ARID5B: variants seen among roughly 807,000 people sequenced by gnomAD.
The protein encoded by ARID5B is AT-rich interactive domain-containing protein 5B.
ARID5B carries 13 observed loss-of-function variants against 97.2 expected under a neutral mutation model. That is an observed-to-expected ratio of 0.13 (90% CI 0.09 to 0.21). The LOEUF (loss-of-function observed/expected upper bound fraction) is 0.21, where lower values mean the gene tolerates loss of function less well. Ranked by LOEUF, ARID5B falls within the 10% of genes least tolerant of loss-of-function variation. The pLI is 1.00. For missense variants in ARID5B, 1,210 were observed against 1,465.3 expected, an observed-to-expected ratio of 0.83 and a Z score of 2.84; for synonymous variants, 556 against 570.3, an observed-to-expected ratio of 0.97 and a Z score of 0.36.
At chr10:61,924,087 T>C (rs1193889572) in intron 2 of ARID5B, among the ~76,000 whole-genome samples, 1 of 152,206 alleles carries the variant, frequency 6.6e-6, no homozygotes, top group Non-Finnish European at 1.5e-5. Context: ...TTCTTTAAGC[T>C]CCACCTGCAA....
In ARID5B at chr10:62,005,101, T is replaced by C. The variant is rs536262224; in HGVS notation, c.733+4780T>C. On this transcript the variant is annotated intron_variant, in intron 4 of 9. Transcript: ENST00000279873. ...GGCCTGTCATCAGCTGTTTGGTCCA[T>C]GTGTAGACACCATGAGCTCTGATCT... 3.4e-3 allele frequency among the ~76,000 whole-genome samples: 524 copies of C among 152,336 alleles called. 1 individual carries two copies. Among genetic ancestry groups the C allele is most frequent in the South Asian group, 0.011 (54 of 4,826 alleles).
At chr10:62,088,676 T>C (rs1172407238) in intron 9 of ARID5B, among the ~76,000 whole-genome samples, 1 of 152,252 alleles carries the variant, frequency 6.6e-6, no homozygotes, top group African/African-American at 2.4e-5. Context: ...TACGAATCAC[T>C]TCTCACCTCC....
At chr10:62,040,713 G>A (rs141541906) in intron 4 of ARID5B, among the ~76,000 whole-genome samples, 1 of 152,134 alleles carries the variant, frequency 6.6e-6, no homozygotes, top group Non-Finnish European at 1.5e-5. Flanking sequence ...ATTTCAATAT[G>A]CAATCAATAT....
chr10:62,061,208 T>A (rs1839917114), intron 7 of ARID5B, among the ~76,000 whole-genome samples: 1 of 152,102 alleles, frequency 6.6e-6, no homozygotes, highest in African/African-American at 2.4e-5. Flanking sequence ...TGGAAAAAGG[T>A]CAGTGCCCTA....
intron 3 of ARID5B, among the ~76,000 whole-genome samples, chr10:61,973,450 A>C (rs965271695): frequency 1.3e-5 from 2 of 152,222 alleles, no homozygotes; most frequent in African/African-American, 4.8e-5. Flanking sequence ...GGAAACATTC[A>C]TTCCACTATT....
intron 4 of ARID5B, among the ~76,000 whole-genome samples, chr10:62,015,516 T>C (rs1225650092): frequency 1.3e-5 from 2 of 152,234 alleles, no homozygotes; most frequent in Non-Finnish European, 2.9e-5. Context: ...ATGGGACTTT[T>C]GTCAAATATA....
At chr10:62,041,956 GCAGATT>G (rs1362485974) in intron 4 of ARID5B, among the ~76,000 whole-genome samples, 2 of 152,308 alleles carry the variant, frequency 1.3e-5, no homozygotes, top group African/African-American at 4.8e-5. Context: ...ACTAGAACGA[GCAGATT>G]TATTGATTGT....
intron 3 of ARID5B, among the ~76,000 whole-genome samples, chr10:61,991,134 T>C (rs890033100): frequency 1.3e-5 from 2 of 152,146 alleles, no homozygotes; most frequent in African/African-American, 4.8e-5. Flanking sequence ...CTTTTGGCTA[T>C]TTTGTGATAA....
At chr10:61,946,987 C>T (rs897165055) in intron 3 of ARID5B, among the ~76,000 whole-genome samples, 4 of 152,116 alleles carry the variant, frequency 2.6e-5, no homozygotes, top group South Asian at 2.1e-4. Context: ...TAATTACATA[C>T]GAGACTTATC....
rs7922984 is a variant in ARID5B, at chr10:62,028,302, G to T, written c.734-22586G>T. Among the ~76,000 whole-genome samples, 954 of 152,286 alleles carry T rather than the reference G, an allele frequency of 6.3e-3. 6 individuals are homozygous for T. Among genetic ancestry groups the T allele is most frequent in the African/African-American group, 0.021 (875 of 41,556 alleles). On this transcript the variant is annotated intron_variant, in intron 4 of 9. Coordinates refer to ENST00000279873, the MANE Select transcript of ARID5B (RefSeq NM_032199.3). ...TGCTTTCTTAGTTTGAAGCAGTTAC[G>T]CAAGTACAAAAATACTAGTTTGTAG...
chr10:62,009,535 G>C (rs558516764), intron 4 of ARID5B, among the ~76,000 whole-genome samples: 6 of 151,222 alleles, frequency 4.0e-5, no homozygotes, highest in Non-Finnish European at 8.9e-5. Context: ...AGGTTAAACA[G>C]CTTCTGAAGG....
chr10:61,907,362 A>G (rs1843724341), intron 2 of ARID5B, among the ~76,000 whole-genome samples: 1 of 152,166 alleles, frequency 6.6e-6, no homozygotes, highest in African/African-American at 2.4e-5. Context: ...GTCTATATCC[A>G]TAAGGTAATT....
chr10:61,909,257 AGCAG>A (rs1438544840), intron 2 of ARID5B, among the ~76,000 whole-genome samples: 1 of 149,570 alleles, frequency 6.7e-6, no homozygotes, highest in Admixed American at 6.7e-5. Flanking sequence ...TGTTCTCAGG[AGCAG>A]GCAGTTGTGC....
At chr10:61,948,664 C>T (rs1040137328) in intron 3 of ARID5B, among the ~76,000 whole-genome samples, 7 of 152,126 alleles carry the variant, frequency 4.6e-5, no homozygotes, top group Admixed American at 1.3e-4. Context: ...CCATGCCCAG[C>T]TGAGGTGATT....
intron 8 of ARID5B, among the ~76,000 whole-genome samples, chr10:62,075,731 C>T (rs1041913523): frequency 6.6e-6 from 1 of 152,200 alleles, no homozygotes; most frequent in African/African-American, 2.4e-5. Flanking sequence ...CAGTTTGTGT[C>T]ACTCAGAATA....
At chr10:62,065,433 G>GA (rs1338316019) in intron 7 of ARID5B, among the ~76,000 whole-genome samples, 1 of 152,110 alleles carries the variant, frequency 6.6e-6, no homozygotes, top group Non-Finnish European at 1.5e-5. Context: ...CATAGTGCCC[G>GA]AAAATGGTAA....
intron 4 of ARID5B, among the ~76,000 whole-genome samples, chr10:62,018,518 G>C (rs1327539217): frequency 1.3e-5 from 2 of 151,670 alleles, no homozygotes; most frequent in Admixed American, 6.6e-5. Context: ...CCAAAGACTG[G>C]GTGGGTGCCA....
At position 62,022,852 on chromosome 10, in the gene ARID5B, G is replaced by A. The variant is rs532422851; in HGVS notation, c.733+22531G>A. On this transcript the variant is annotated intron_variant, in intron 4 of 9. Transcript: ENST00000279873. Reference sequence around the variant, plus strand: ...CAAAAAAAATCTCCTCATTGTGAACGATTCACAGAGCTCTCCTTTAACTGG... The same window carrying A: ...CAAAAAAAATCTCCTCATTGTGAACAATTCACAGAGCTCTCCTTTAACTGG... 8.3e-4 allele frequency among the ~76,000 whole-genome samples: 127 copies of A among 152,316 alleles called. 1 individual carries two copies. The South Asian group carries it at 8.7e-3, about 10-fold the overall frequency.
chr10:62,018,377 T>C (rs2132887778), intron 4 of ARID5B, among the ~76,000 whole-genome samples: 1 of 152,352 alleles, frequency 6.6e-6, no homozygotes, highest in Middle Eastern at 3.4e-3. Context: ...TTGGATTTTC[T>C]GTGTTTTCTT....
Sources: allele counts gnomAD v4.1 joint callset (sites outside exome capture counted in the v4.1 genomes callset), GRCh38; gene constraint gnomAD v4.1.1; transcripts MANE v1.5; gene names NCBI Gene and HGNC (gene_info 2026-07-23, HGNC 2026-07-21).